The following ZPBP variants were observed in gnomAD, a reference collection of about 807,000 sequenced individuals.
ZPBP encodes zona pellucida binding protein.
ZPBP carries 26 observed loss-of-function variants against 44.8 expected under a neutral mutation model. That is an observed-to-expected ratio of 0.58 (90% CI 0.43 to 0.81). ZPBP has a LOEUF of 0.81. Ranked by LOEUF, ZPBP falls within the 30% of genes least tolerant of loss-of-function variation. The pLI is 0.00. For missense variants in ZPBP, 409 were observed against 434.0 expected (o/e 0.94, Z 0.51); for synonymous variants, 174 against 153.2 (o/e 1.14, Z -1.00).
intron 2 of ZPBP, among the ~76,000 whole-genome samples, chr7:49,865,069 G>A (rs115461313): frequency 1.3e-5 from 2 of 152,296 alleles, no homozygotes; most frequent in African/African-American, 4.8e-5. Flanking sequence ...GTAAAGAATT[G>A]TAAATGGAAT....
intron 2 of ZPBP, among the ~76,000 whole-genome samples, chr7:50,084,397 A>C (rs1210891801): frequency 1.3e-5 from 2 of 152,008 alleles, no homozygotes; most frequent in East Asian, 3.9e-4. Flanking sequence ...ACACCAAAAA[A>C]ACAGAATAAA....
chr7:49,855,646 T>C (rs1790386231), intron 2 of ZPBP, among the ~76,000 whole-genome samples: 1 of 152,190 alleles, frequency 6.6e-6, no homozygotes, highest in African/African-American at 2.4e-5. Flanking sequence ...AATGTGGCAG[T>C]TCTCCAAAAT....
chr7:50,047,296 TA>T (rs1413510141), intron 4 of ZPBP, among the ~76,000 whole-genome samples: 2 of 150,462 alleles, frequency 1.3e-5, no homozygotes, highest in Non-Finnish European at 1.5e-5. Context: ...AAACTATAAT[TA>T]AAAAAAAAGA....
chr7:50,039,399 C>T (rs932840026), intron 4 of ZPBP, among the ~76,000 whole-genome samples: 2 of 151,948 alleles, frequency 1.3e-5, no homozygotes, highest in Non-Finnish European at 2.9e-5. Flanking sequence ...AAATGTGATG[C>T]CAGCCAGTAA....
intron 7 of ZPBP, 105 bp downstream of exon 7, chr7:49,983,237 A>T: frequency 2.0e-6 from 2 of 1,001,418 alleles, no homozygotes; most frequent in Non-Finnish European, 3.0e-6. Context: ...CTATGAAAAA[A>T]TACCTAAATG....
rs190973643 is a variant in ZPBP, at chr7:50,022,123, G to C, written c.707-3807C>G. ...CTGTCAAAAATGAAGGAGAATCTAC[G>C]ATCTTCCAAAAATCAACAGCTGATG... On this transcript the variant is annotated intron_variant, in intron 5 of 7. Transcript: ENST00000046087. 2.5e-4 allele frequency among the ~76,000 whole-genome samples: 38 copies of C among 152,058 alleles called. No individual in the cohort carries two copies. The East Asian group carries it at 3.5e-3, about 14-fold the overall frequency.
chr7:49,986,294 C>T (rs1481939432), intron 6 of ZPBP, among the ~76,000 whole-genome samples: 2 of 152,308 alleles, frequency 1.3e-5, no homozygotes, highest in Admixed American at 6.5e-5. Context: ...GCCTTTTCTA[C>T]AGCATTTTCC....
intron 1 of ZPBP, among the ~76,000 whole-genome samples, chr7:49,907,767 A>G (rs961021402): frequency 6.6e-6 from 1 of 152,232 alleles, no homozygotes; most frequent in Admixed American, 6.5e-5. Context: ...TCATAGGTGT[A>G]TTCAAAGATG....
intron 7 of ZPBP, among the ~76,000 whole-genome samples, chr7:49,974,237 A>C (rs1441377336): frequency 6.6e-6 from 1 of 152,184 alleles, no homozygotes; most frequent in African/African-American, 2.4e-5. Context: ...AATATTGTGA[A>C]TGTACTTACC....
chr7:50,064,986 T>C (rs1012805072), intron 3 of ZPBP, among the ~76,000 whole-genome samples: 5 of 152,236 alleles, frequency 3.3e-5, no homozygotes, highest in Admixed American at 3.3e-4. Context: ...TAAGAAATTA[T>C]AAAAGTATTA....
chr7:50,063,597 C>A (rs1801356421), intron 3 of ZPBP, among the ~76,000 whole-genome samples: 1 of 151,710 alleles, frequency 6.6e-6, no homozygotes, highest in African/African-American at 2.4e-5. Context: ...AGCTTGAGAA[C>A]CATTTTTTTT....
chr7:49,872,134 T>A (rs1042438235), intron 2 of ZPBP, among the ~76,000 whole-genome samples: 6 of 152,044 alleles, frequency 3.9e-5, no homozygotes, highest in African/African-American at 1.4e-4. Flanking sequence ...TGGAAAGCAA[T>A]TAAAAATATC....
downstream of ZPBP, among the ~76,000 whole-genome samples, chr7:49,933,748 TGTAGG>T (rs1177309552): frequency 1.3e-5 from 2 of 152,110 alleles, no homozygotes; most frequent in Non-Finnish European, 2.9e-5. Context: ...TCATGTCCTT[TGTAGG>T]GACATGGATG....
chr7:49,843,651 G>C, the ZPBP span, among the ~76,000 whole-genome samples: 1 of 152,326 alleles, frequency 6.6e-6, no homozygotes, highest in African/African-American at 2.4e-5. Flanking sequence ...TGTCAAAAAT[G>C]TCCCAGAGGG....
chr7:50,082,754 G>A (rs1179482530), intron 2 of ZPBP, among the ~76,000 whole-genome samples: 1 of 151,626 alleles, frequency 6.6e-6, no homozygotes, highest in Non-Finnish European at 1.5e-5. Flanking sequence ...CTCTGTTCTT[G>A]GTTATTTGTT....
chr7:50,046,183 C>G (rs1800347616), intron 4 of ZPBP, among the ~76,000 whole-genome samples: 1 of 152,134 alleles, frequency 6.6e-6, no homozygotes, highest in Non-Finnish European at 1.5e-5. Flanking sequence ...AGACCTAAAA[C>G]CATAAAAATC....
intron 4 of ZPBP, among the ~76,000 whole-genome samples, chr7:50,033,241 T>C (rs1301804325): frequency 2.0e-5 from 3 of 152,188 alleles, no homozygotes; most frequent in Non-Finnish European, 4.4e-5. Flanking sequence ...GGCAATATAG[T>C]TATTTGCATA....
intron 7 of ZPBP, among the ~76,000 whole-genome samples, chr7:49,946,944 T>C (rs1795126231): frequency 6.6e-6 from 1 of 152,192 alleles, no homozygotes; most frequent in Non-Finnish European, 1.5e-5. Context: ...AGCTCACTAA[T>C]TCTTTATTTT....
chr7:49,887,438 A>T (rs1791949090), intron 2 of ZPBP, among the ~76,000 whole-genome samples: 2 of 152,236 alleles, frequency 1.3e-5, no homozygotes, highest in Admixed American at 1.3e-4. Flanking sequence ...AAATGTGGTT[A>T]TATAATTGAT....
Sources: allele counts gnomAD v4.1 joint callset (sites outside exome capture counted in the v4.1 genomes callset), GRCh38; gene constraint gnomAD v4.1.1; transcripts MANE v1.5; gene names NCBI Gene and HGNC (gene_info 2026-07-23, HGNC 2026-07-21).